Variants in POM121C observed in about 807,000 individuals in gnomAD.
The protein encoded by POM121C is nuclear envelope pore membrane protein POM 121C.
A neutral mutation model predicts 66.4 loss-of-function variants in POM121C; 20 were observed. That is an observed-to-expected ratio of 0.30 (90% CI 0.21 to 0.44). The LOEUF (loss-of-function observed/expected upper bound fraction) is 0.44, where lower values mean the gene tolerates loss of function less well. Ranked by LOEUF, POM121C falls within the 20% of genes least tolerant of loss-of-function variation. POM121C has a pLI of 1.00. For missense variants in POM121C, 580 were observed against 1,225.7 expected (o/e 0.47, Z 7.87); for synonymous variants, 286 against 528.0 (o/e 0.54, Z 6.28).
chr7:75,456,715 G>A (rs1170471200), intron 3 of POM121C, among the ~76,000 whole-genome samples: 3 of 152,282 alleles, frequency 2.0e-5, no homozygotes, highest in East Asian at 1.9e-4. Context: ...ATGTATTGCC[G>A]CTAAAATGAG....
chr7:75,450,262 C>T (rs1458241723), intron 3 of POM121C, among the ~76,000 whole-genome samples: 1 of 151,246 alleles, frequency 6.6e-6, no homozygotes, highest in Non-Finnish European at 1.5e-5. Flanking sequence ...TTCCTAAATC[C>T]GAGAAGGAAA....
At chr7:75,425,502 C>G (rs1165718303) in intron 9 of POM121C, 133 bp downstream of exon 9, 6 of 1,105,158 alleles carry the variant, frequency 5.4e-6, no homozygotes, top group Non-Finnish European at 7.7e-6. Context: ...GAGAGGAAAT[C>G]TCTCTCTTTG....
Position 75,437,503 on chromosome 7 carries a change from C to A in POM121C, c.480+12G>T. 1 of 1,604,914 alleles carries A rather than the reference C, an allele frequency of 6.2e-7. No individual in the cohort carries two copies. Among genetic ancestry groups the A allele is most frequent in the Non-Finnish European group, 8.5e-7 (1 of 1,173,678 alleles). On this transcript the variant is annotated intron_variant, in intron 7 of 14. Transcript: ENST00000615331. ...ATTCATGCCCCCCACATTACAAGAG[C>A]TGTACTTGTACCTGTGAGATGCCTC...
intron 7 of POM121C, among the ~76,000 whole-genome samples, chr7:75,427,784 G>A (rs587665985): frequency 6.6e-6 from 1 of 152,126 alleles, no homozygotes; most frequent in East Asian, 1.9e-4. Flanking sequence ...AAGCCAACAA[G>A]CTTAATAAGT....
intron 3 of POM121C, among the ~76,000 whole-genome samples, chr7:75,446,567 C>G (rs879436205): frequency 2.0e-5 from 3 of 150,736 alleles, no homozygotes; most frequent in South Asian, 2.1e-4. Flanking sequence ...GTGGAGTACT[C>G]AAGCACCCCA....
At chr7:75,453,952 A>G (rs1791116333) in intron 3 of POM121C, among the ~76,000 whole-genome samples, 2 of 152,202 alleles carry the variant, frequency 1.3e-5, no homozygotes, top group Admixed American at 1.3e-4. Flanking sequence ...GGGCTTCATC[A>G]CAGTCCGGCA....
intron 7 of POM121C, among the ~76,000 whole-genome samples, chr7:75,435,606 G>A (rs587708147): frequency 2.6e-5 from 4 of 152,212 alleles, no homozygotes; most frequent in African/African-American, 7.2e-5. Context: ...GTACCCAAAG[G>A]ACAATTAACA....
At chr7:75,425,758 G>A (rs782791046) in intron 8 of POM121C, 50 bp from the exon 9 acceptor site, 124 of 1,493,258 alleles carry the variant, frequency 8.3e-5, no homozygotes, top group Non-Finnish European at 1.0e-4. Flanking sequence ...CTTGGCTGAA[G>A]TATTAAATAA....
intron 11 of POM121C, 33 bp downstream of exon 11, chr7:75,424,493 C>A: frequency 6.2e-7 from 1 of 1,608,328 alleles, no homozygotes; most frequent in South Asian, 1.1e-5. Context: ...ACACCTGAAA[C>A]CTCTCGAGAG....
Position 75,421,508 on chromosome 7 carries a change from C to T in POM121C, c.2743+1G>A, listed in dbSNP as rs782365987. 1 of 1,611,142 alleles carries T rather than the reference C, an allele frequency of 6.2e-7. No individual in the cohort carries two copies. Among genetic ancestry groups the T allele is most frequent in the South Asian group, 1.1e-5 (1 of 90,832 alleles). ...TAGCCCAAGTCCACGCCCCTCCTTA[C>T]CTCCAAACACAGGTTTGCTCTCAGT... On this transcript the variant is annotated splice_donor_variant, in intron 13 of 14. Coordinates refer to ENST00000615331, the MANE Select transcript of POM121C (RefSeq NM_001099415.3). LOFTEE classifies it high-confidence loss of function.
intron 1 of POM121C, chr7:75,484,387 C>T (rs1209679895): frequency 2.2e-5 from 13 of 577,886 alleles, no homozygotes; most frequent in Non-Finnish European, 3.4e-5. Flanking sequence ...TGCAAACACT[C>T]AGAAGGGTCT....
chr7:75,472,858 G>T (rs587601727), intron 3 of POM121C, among the ~76,000 whole-genome samples: 1 of 152,102 alleles, frequency 6.6e-6, no homozygotes, highest in East Asian at 1.9e-4. Flanking sequence ...GGGAAGAGAG[G>T]AAGAAAGGAA....
chr7:75,468,349 A>C (rs1584707065), intron 3 of POM121C, among the ~76,000 whole-genome samples: 1 of 114,534 alleles, frequency 8.7e-6, no homozygotes, highest in African/African-American at 3.6e-5. Flanking sequence ...AGACAGTCTC[A>C]CTCTGTCGCC....
intron 1 of POM121C, among the ~76,000 whole-genome samples, chr7:75,481,559 G>A (rs587614447): frequency 6.6e-6 from 1 of 152,264 alleles, no homozygotes; most frequent in South Asian, 2.1e-4. Flanking sequence ...TAGGCCAGCC[G>A]TGGTGGCTCA....
rs781827255 is a variant in POM121C at position 75,418,833 on chromosome 7, C to T, written c.2927G>A (p.Arg976Gln). 3 of 1,611,806 alleles carry T rather than the reference C, an allele frequency of 1.9e-6. No individual in the cohort carries two copies. Among genetic ancestry groups the T allele is most frequent in the Admixed American group, 1.7e-5 (1 of 59,960 alleles). Residue 976 changes from arginine (R) to glutamine (Q), a missense_variant, in exon 15 of 15, where the codon CGA (arginine) becomes CAA (glutamine). Coordinates refer to ENST00000615331, the MANE Select transcript of POM121C (RefSeq NM_001099415.3). ...AGSKTPGARQ[R>Q]LQARRQHTRK... The stretch of plus-strand genomic sequence containing the variant: ...GGTGTGCTGCCTTCGGGCCTGCAGT[C>T]GCTGTCGAGCCCCTGGGGTCTTGGA...
intron 3 of POM121C, among the ~76,000 whole-genome samples, chr7:75,449,886 G>A (rs1327704001): frequency 6.6e-6 from 1 of 152,082 alleles, no homozygotes; most frequent in Non-Finnish European, 1.5e-5. Flanking sequence ...GTGGTGGCAG[G>A]TGCCTGTAAT....
In POM121C at chr7:75,442,773, G is replaced by C. The variant is rs1790710428; in HGVS notation, c.-151-1126C>G. ...AATATCCCAGCGTGCACCGCGCCAC[G>C]CGTCGCGTCATCGCGCGCCCGCCAC... On this transcript the variant is annotated intron_variant, in intron 3 of 14. Transcript: ENST00000615331. 12 of 1,298,102 alleles carry C rather than the reference G, an allele frequency of 9.2e-6. 1 individual carries two copies. The South Asian group carries it at 2.4e-4, about 26-fold the overall frequency. The allele number at this position is 1,298,102 out of a possible 1,614,324, so 80.4% of individuals were successfully genotyped here.
intron 7 of POM121C, among the ~76,000 whole-genome samples, chr7:75,435,006 AG>A (rs1208538999): frequency 1.3e-5 from 2 of 152,286 alleles, no homozygotes; most frequent in East Asian, 3.9e-4. Context: ...CATGCCCTGT[AG>A]GGGGATTTAA....
intron 3 of POM121C, among the ~76,000 whole-genome samples, chr7:75,446,933 G>A (rs1458342799): frequency 9.1e-5 from 12 of 131,976 alleles, no homozygotes; most frequent in African/African-American, 2.8e-4. Context: ...GCGTGAACCC[G>A]GGAGGCGGAG....
Sources: gnomAD v4.1 joint callset for allele counts (sites outside exome capture counted in the v4.1 genomes callset) on GRCh38, gnomAD v4.1.1 for gene constraint, MANE v1.5 for transcripts, NCBI Gene and HGNC (gene_info 2026-07-23, HGNC 2026-07-21) for gene names.